MTAP: variants seen among roughly 807,000 people sequenced by gnomAD.
MTAP encodes methylthioadenosine phosphorylase.
In MTAP, 33 loss-of-function variants were observed where a neutral mutation model predicts 33.6. The ratio of observed to expected loss-of-function variants is 0.98; its 90% confidence interval spans 0.74 to 1.31. MTAP has a LOEUF of 1.31. Among genes scored for constraint, MTAP ranks in the 40% most tolerant of loss-of-function variants. The pLI is 0.00. For synonymous variants in MTAP, 148 were observed against 125.7 expected (o/e 1.18, Z -1.19); for missense variants, 367 against 360.0 (o/e 1.02, Z -0.16).
intron 6 of MTAP, among the ~76,000 whole-genome samples, chr9:21,857,465 A>G (rs1436722941): frequency 6.6e-6 from 1 of 152,202 alleles, no homozygotes; most frequent in Non-Finnish European, 1.5e-5. Context: ...AAGGAAATAG[A>G]AAGATGTAAT....
At chr9:21,820,805 C>T (rs1440100154) in intron 4 of MTAP, among the ~76,000 whole-genome samples, 2 of 152,152 alleles carry the variant, frequency 1.3e-5, no homozygotes, top group Non-Finnish European at 2.9e-5. Flanking sequence ...TTTCATTGAG[C>T]AGTGGTTTGT....
At chr9:21,805,405 T>TTTATTTA (rs1421414419) in intron 1 of MTAP, among the ~76,000 whole-genome samples, 8 of 152,200 alleles carry the variant, frequency 5.3e-5, no homozygotes, top group African/African-American at 1.9e-4. Flanking sequence ...AAGCGAGGCC[T>TTTATTTA]TTATTTATTT....
chr9:21,889,591 A>C (rs1182335749), intron 1 of MTAP, among the ~76,000 whole-genome samples: 1 of 152,060 alleles, frequency 6.6e-6, no homozygotes, highest in Non-Finnish European at 1.5e-5. Context: ...GTCCCTTGAT[A>C]TGGTCCTATC....
At chr9:21,874,853 C>G (rs1825983284) in intron 1 of MTAP, among the ~76,000 whole-genome samples, 1 of 152,066 alleles carries the variant, frequency 6.6e-6, no homozygotes. Flanking sequence ...CCCTAGCCCA[C>G]ACCCTGACAG....
At chr9:21,933,444 C>A (rs955902989), downstream of MTAP, 1 of 152,062 alleles carries the variant, frequency 6.6e-6, no homozygotes, top group African/African-American at 2.4e-5. Context: ...GTTTAAGGTG[C>A]TTTTTCTGGC....
chr9:21,803,253 C>CT, intron 1 of MTAP: 1 of 295,672 alleles, frequency 3.4e-6, no homozygotes, highest in Non-Finnish European at 6.2e-6. Context: ...CTTCCGCTCT[C>CT]TGACTCTGCT....
chr9:21,895,292 A>G (rs2118769399), intron 1 of MTAP, among the ~76,000 whole-genome samples: 1 of 152,386 alleles, frequency 6.6e-6, no homozygotes, highest in South Asian at 2.1e-4. Context: ...ACAAGGCAAC[A>G]GTAACCAAAA....
chr9:21,805,675 C>A (rs1248410536), intron 1 of MTAP, among the ~76,000 whole-genome samples: 1 of 152,146 alleles, frequency 6.6e-6, no homozygotes, highest in Non-Finnish European at 1.5e-5. Context: ...ACAAAAGAGG[C>A]CCCAGAGAGC....
At position 21,899,496 on chromosome 9, in the gene MTAP, GGA is replaced by G. The variant is rs548407893; in HGVS notation, c.148-31506_148-31505del. Among the ~76,000 whole-genome samples the G allele has an allele frequency of 2.5e-3, 379 of 152,254 alleles. 3 individuals carry two copies. Among genetic ancestry groups the G allele is most frequent in the African/African-American group, 8.3e-3 (345 of 41,560 alleles). ...TGCCCAAGATTGGGTAATTTATAAA[GGA>G]GAGAGGTTCAGTTGACTCACAGTTC... On this transcript the variant is annotated intron_variant, in intron 1 of 1. Transcript: ENST00000577563.
intron 1 of MTAP, among the ~76,000 whole-genome samples, chr9:21,813,024 T>G (rs1824389069): frequency 6.6e-6 from 1 of 152,266 alleles, no homozygotes. Flanking sequence ...CTTTAACATG[T>G]AAGTCCACAG....
chr9:21,878,926 C>T (rs1342511635), intron 1 of MTAP, among the ~76,000 whole-genome samples: 1 of 151,998 alleles, frequency 6.6e-6, no homozygotes, highest in Non-Finnish European at 1.5e-5. Context: ...GAGTATGTTT[C>T]ATATTATTTT....
chr9:21,862,898 T>A lies in MTAP; in HGVS notation c.*884T>A, dbSNP rs1134871. 277,509 of 940,496 alleles carry A rather than the reference T, an allele frequency of 0.3. 47,902 individuals carry two copies. Among genetic ancestry groups the A allele is most frequent in the African/African-American group, 0.69 (38,627 of 56,012 alleles). 58.3% of individuals were successfully genotyped at this position (940,496 alleles called of 1,614,324 possible). A position where few individuals can be genotyped will look rare whatever the true frequency, so the allele number is the denominator to read the frequency against. On this transcript the variant is annotated 3_prime_UTR_variant, in exon 8 of 8. Transcript: ENST00000644715. The stretch of plus-strand genomic sequence containing the variant: ...GTCTTCACATTTTTCTACAGTGAAT[T>A]TAATCAAATAGTAAAGTTGTTGTAA...
At chr9:21,929,883 T>G (rs1265253104) in intron 1 of MTAP, 4 of 332,738 alleles carry the variant, frequency 1.2e-5, no homozygotes, top group Non-Finnish European at 2.4e-5. Flanking sequence ...TTTCCCAGTA[T>G]AGCTTGTAAT....
At chr9:21,807,059 GA>G (rs1824225556) in intron 1 of MTAP, among the ~76,000 whole-genome samples, 1 of 152,160 alleles carries the variant, frequency 6.6e-6, no homozygotes, top group Admixed American at 6.5e-5. Flanking sequence ...AGCTACTCAG[GA>G]GGCCAAGGTG....
intron 3 of MTAP, among the ~76,000 whole-genome samples, chr9:21,817,685 T>C (rs990106441): frequency 6.6e-6 from 1 of 152,168 alleles, no homozygotes; most frequent in East Asian, 2.0e-4. Context: ...GAATCTCCTA[T>C]GCATGCTTGC....
intron 1 of MTAP, among the ~76,000 whole-genome samples, chr9:21,915,967 T>G (rs1818680841): frequency 6.6e-6 from 1 of 150,690 alleles, no homozygotes; most frequent in African/African-American, 2.4e-5. Context: ...TCCAGGAGGT[T>G]GAGGTTGAAC....
chr9:21,855,281 A>G (rs958007358), intron 6 of MTAP, among the ~76,000 whole-genome samples: 1 of 152,224 alleles, frequency 6.6e-6, no homozygotes, highest in Non-Finnish European at 1.5e-5. Context: ...CCGTGGCTGG[A>G]TACTCTGTTC....
intron 1 of MTAP, among the ~76,000 whole-genome samples, chr9:21,806,883 G>A (rs1349557989): frequency 6.6e-6 from 1 of 152,148 alleles, no homozygotes; most frequent in Non-Finnish European, 1.5e-5. Context: ...ATAAGACTTG[G>A]CCAGGCGCGG....
intron 4 of MTAP, among the ~76,000 whole-genome samples, chr9:21,830,840 A>G (rs1824947787): frequency 6.6e-6 from 1 of 152,208 alleles, no homozygotes; most frequent in African/African-American, 2.4e-5. Context: ...CTTAGTTTTT[A>G]TTCATCAGCC....
Sources: gnomAD v4.1 joint callset for allele counts (sites outside exome capture counted in the v4.1 genomes callset) on GRCh38, gnomAD v4.1.1 for gene constraint, MANE v1.5 for transcripts, NCBI Gene and HGNC (gene_info 2026-07-23, HGNC 2026-07-21) for gene names.